The following ATP8B1 variants were observed in gnomAD, a reference collection of about 807,000 sequenced individuals.
ATP8B1 encodes the protein phospholipid-transporting ATPase IC.
In ATP8B1, 80 loss-of-function variants were observed where a neutral mutation model predicts 149.9. The ratio of observed to expected loss-of-function variants is 0.53; its 90% CI spans 0.45 to 0.64. ATP8B1 has a LOEUF of 0.64. Ranked by LOEUF, ATP8B1 falls within the 30% of genes least tolerant of loss-of-function variation. The probability of loss-of-function intolerance (pLI) is 0.00; values close to 1 mark genes in which losing one functional copy is unlikely to be tolerated. For synonymous variants in ATP8B1, 536 were observed against 562.8 expected (o/e 0.95, Z 0.67); for missense variants, 1,247 against 1,552.6 (o/e 0.80, Z 3.31).
At chr18:57,650,237 G>A in intron 27 of ATP8B1, 130 bp downstream of exon 27, 1 of 1,209,190 alleles carries the variant, frequency 8.3e-7, no homozygotes, top group South Asian at 1.3e-5. Context: ...TAGAGTTAAA[G>A]AGAAGCAATC....
chr18:57,794,463 TAAA>T (rs58976028), intron 1 of ATP8B1, among the ~76,000 whole-genome samples: 23,717 of 110,126 alleles, frequency 0.22, 2,265 homozygotes, highest in Admixed American at 0.25. Flanking sequence ...AACCTGACAT[TAAA>T]AAAAAAAAAA....
At chr18:57,695,565 A>G (rs1912768130) in intron 8 of ATP8B1, 33 bp from the exon 9 acceptor site, 1 of 1,555,106 alleles carries the variant, frequency 6.4e-7, no homozygotes, top group African/African-American at 1.4e-5. Context: ...AATTAAATGA[A>G]CAAATTTTTG....
At chr18:57,664,277 C>T (rs979968244) in intron 20 of ATP8B1, among the ~76,000 whole-genome samples, 7 of 151,504 alleles carry the variant, frequency 4.6e-5, no homozygotes, top group Non-Finnish European at 7.4e-5. Flanking sequence ...GAGGCTGAGA[C>T]GGGCAGATCA....
chr18:57,661,541 T>A, intron 21 of ATP8B1, 79 bp from the exon 22 acceptor site: 1 of 1,464,366 alleles, frequency 6.8e-7, no homozygotes, highest in Non-Finnish European at 9.3e-7. Context: ...TTAAATTATG[T>A]GAAGGATAAT....
intron 1 of ATP8B1, among the ~76,000 whole-genome samples, chr18:57,783,909 G>T (rs995050790): frequency 2.6e-5 from 4 of 152,068 alleles, no homozygotes; most frequent in African/African-American, 9.7e-5. Flanking sequence ...ACCATACATC[G>T]AAGGGCGCAT....
At chr18:57,699,133 G>C (rs1912982794) in intron 6 of ATP8B1, among the ~76,000 whole-genome samples, 1 of 152,312 alleles carries the variant, frequency 6.6e-6, no homozygotes, top group Middle Eastern at 3.4e-3. Flanking sequence ...GCTAAAAATA[G>C]TAACTAAGGC....
At chr18:57,723,429 AT>A (rs1467169324) in intron 2 of ATP8B1, among the ~76,000 whole-genome samples, 1 of 59,634 alleles carries the variant, frequency 1.7e-5, no homozygotes, top group Non-Finnish European at 3.2e-5. Context: ...ATGTACAAAA[AT>A]CACAAGCATT....
rs1470427557 is a variant in ATP8B1, at chr18:57,652,675, T to C, written c.3070A>G (p.Arg1024Gly). 1 of 1,614,052 alleles carries C rather than the reference T, an allele frequency of 6.2e-7. No individual in the cohort carries two copies. Among genetic ancestry groups the C allele is most frequent in the East Asian group, 2.2e-5 (1 of 44,900 alleles). Reference sequence around the variant, plus strand: ...CTCTTATAGTTGAATAGTAAGTCTCTTTGTCCCACTATGTATAACCCAGGG... The same window carrying C: ...CTCTTATAGTTGAATAGTAAGTCTCCTTGTCCCACTATGTATAACCCAGGG... ...RFPGLYIVGQ[R>G]DLLFNYKRFF... The change falls in exon 25 of 28, where the codon AGA (arginine) becomes GGA (glycine). Residue 1024 changes from arginine (R) to glycine (G), a missense_variant. By Grantham distance (125) the Arg-to-Gly change is moderately radical. Coordinates refer to ENST00000648908, the MANE Select transcript of ATP8B1 (RefSeq NM_001374385.1).
At chr18:57,732,091 G>GTGTGTATATA (rs2079772080) in intron 1 of ATP8B1, 1 of 272,936 alleles carries the variant, frequency 3.7e-6, no homozygotes, top group Non-Finnish European at 6.8e-6. Flanking sequence ...ATATATATAT[G>GTGTGTATATA]TATGTGTATA....
rs117069997 is a variant in ATP8B1, at chr18:57,700,152, G to A, written c.554+887C>T. Among the ~76,000 whole-genome samples, 307 of 152,214 alleles carry A rather than the reference G, an allele frequency of 2.0e-3. 10 individuals carry two copies. The East Asian group carries it at 0.045, about 22-fold the overall frequency. Reference sequence around the variant, plus strand: ...TGCTGGCCTATCCATTTGTCATTTCGGACTTACATGCAAATTTCTATTTTA... The same window carrying A: ...TGCTGGCCTATCCATTTGTCATTTCAGACTTACATGCAAATTTCTATTTTA... On this transcript the variant is annotated intron_variant, in intron 6 of 27. Transcript: ENST00000648908.
intron 2 of ATP8B1, among the ~76,000 whole-genome samples, chr18:57,706,943 G>T (rs935733927): frequency 3.3e-5 from 5 of 152,216 alleles, no homozygotes; most frequent in Non-Finnish European, 5.9e-5. Context: ...ACATCTTGAT[G>T]CCTCGAGGAA....
intron 2 of ATP8B1, among the ~76,000 whole-genome samples, chr18:57,712,183 C>CA (rs1385521644): frequency 6.6e-6 from 1 of 151,652 alleles, no homozygotes; most frequent in African/African-American, 2.4e-5. Flanking sequence ...TTATAAAAAC[C>CA]AAAAAATCAG....
chr18:57,731,513 A>G (rs960316523), intron 2 of ATP8B1, 114 bp downstream of exon 2: 3 of 1,194,882 alleles, frequency 2.5e-6, no homozygotes, highest in Non-Finnish European at 3.6e-6. Context: ...AGAAGAGATC[A>G]GAGAAGATTC....
chr18:57,688,966 C>T (rs146280817), intron 12 of ATP8B1, among the ~76,000 whole-genome samples: 1 of 152,328 alleles, frequency 6.6e-6, no homozygotes, highest in East Asian at 1.9e-4. Flanking sequence ...TACAAGGAGA[C>T]AAGCCCATGC....
At position 57,648,655 on chromosome 18, in the gene ATP8B1, C is replaced by A. The variant is rs1376578283; in HGVS notation, c.3589G>T (p.Val1197Leu). ...CGCGTTGACACGCCCCGGCGGAACA[C>A]CTGCTGCCGTCGCTGCCACTGCTCC... ...AEEQWQRRQQ[V>L]FRRGVSTRRS... Residue 1197 changes from valine to leucine, a missense_variant, in exon 28 of 28, where the codon GTG becomes TTG. By Grantham distance (32) the Val-to-Leu change is conservative. Coordinates refer to ENST00000648908, the MANE Select transcript of ATP8B1 (RefSeq NM_001374385.1). 19 of 1,584,948 alleles carry A rather than the reference C, an allele frequency of 1.2e-5. No individual in the cohort carries two copies. The highest frequency in any genetic ancestry group is 1.8e-5 in the Admixed American group (1 of 55,372).
At chr18:57,792,455 A>T (rs546166301) in intron 1 of ATP8B1, among the ~76,000 whole-genome samples, 5 of 152,190 alleles carry the variant, frequency 3.3e-5, no homozygotes, top group African/African-American at 9.6e-5. Context: ...ACCGTAATAT[A>T]CATGAAAAAC....
chr18:57,772,560 G>A (rs1298248378), intron 1 of ATP8B1, among the ~76,000 whole-genome samples: 4 of 152,132 alleles, frequency 2.6e-5, no homozygotes, highest in Admixed American at 6.6e-5. Flanking sequence ...GGGTGCTAGC[G>A]GCATTTGGAA....
At chr18:57,682,502 A>G (rs1297956318) in intron 15 of ATP8B1, among the ~76,000 whole-genome samples, 1 of 152,170 alleles carries the variant, frequency 6.6e-6, no homozygotes. Context: ...TAGCCCTTAA[A>G]ATCCTATCAC....
chr18:57,662,868 C>T (rs1322970772), intron 20 of ATP8B1, among the ~76,000 whole-genome samples: 2 of 152,188 alleles, frequency 1.3e-5, no homozygotes, highest in African/African-American at 2.4e-5. Flanking sequence ...ATTCTCCTGC[C>T]TCAGCCTCCT....
Sources: allele counts gnomAD v4.1 joint callset (sites outside exome capture counted in the v4.1 genomes callset), GRCh38; gene constraint gnomAD v4.1.1; transcripts MANE v1.5; gene names NCBI Gene and HGNC (gene_info 2026-07-23, HGNC 2026-07-21).